Variants in FSHR observed in about 807,000 individuals in gnomAD.
The protein encoded by FSHR is follicle stimulating hormone receptor.
Under a neutral mutation model 52.1 loss-of-function variants are expected in FSHR, and 46 were observed. The ratio of observed to expected loss-of-function variants is 0.88; its 90% CI spans 0.70 to 1.13. The LOEUF is 1.13. Among genes scored for constraint, FSHR ranks in the 50% most tolerant of loss-of-function variants. The probability of loss-of-function intolerance (pLI) is 0.00; values close to 1 mark genes in which losing one functional copy is unlikely to be tolerated. For synonymous variants in FSHR, 399 were observed against 309.6 expected (o/e 1.29, Z -3.03); for missense variants, 964 against 834.6 (o/e 1.16, Z -1.91).
chr2:49,109,164 T>C (rs951408730), intron 1 of FSHR, among the ~76,000 whole-genome samples: 8 of 152,054 alleles, frequency 5.3e-5, no homozygotes, highest in African/African-American at 1.9e-4. Context: ...TGAGCAGAAA[T>C]TCCCTATCCA....
intron 9 of FSHR, among the ~76,000 whole-genome samples, chr2:48,965,311 C>T (rs1232014507): frequency 6.6e-6 from 1 of 152,116 alleles, no homozygotes; most frequent in Non-Finnish European, 1.5e-5. Flanking sequence ...TTCTCTCACC[C>T]CTGGGAAGTG....
chr2:49,038,973 T>C (rs1001271833), intron 2 of FSHR, among the ~76,000 whole-genome samples: 1 of 152,172 alleles, frequency 6.6e-6, no homozygotes, highest in Non-Finnish European at 1.5e-5. Context: ...TTATTGTACG[T>C]GTATTTGAGA....
At chr2:49,027,907 A>G (rs1667965777) in intron 2 of FSHR, among the ~76,000 whole-genome samples, 1 of 150,804 alleles carries the variant, frequency 6.6e-6, no homozygotes, top group Non-Finnish European at 1.5e-5. Context: ...CTGGAGGTAG[A>G]GTCAGATTAG....
rs143959654 is a variant in FSHR, at chr2:49,122,774, G to T, written c.152+31492C>A. Among the ~76,000 whole-genome samples the T allele has an allele frequency of 4.6e-5, 7 of 152,302 alleles. No individual in the cohort carries two copies. The East Asian group carries it at 1.4e-3, about 29-fold the overall frequency. On this transcript the variant is annotated intron_variant, in intron 1 of 9. Transcript: ENST00000406846. ...AAGTCCCTCCTGGTGAAGAGGGCTG[G>T]CTCACTTCTGCTAAGATTAACACCC...
At chr2:49,127,830 C>CTTCTTCT (rs1558456676) in intron 1 of FSHR, among the ~76,000 whole-genome samples, 15 of 21,046 alleles carry the variant, frequency 7.1e-4, no homozygotes, top group Middle Eastern at 0.022. Context: ...CTTCTTCTTC[C>CTTCTTCT]TCTTCTTCTT....
At chr2:48,988,016 C>G (rs1384569679) in intron 6 of FSHR, among the ~76,000 whole-genome samples, 1 of 152,116 alleles carries the variant, frequency 6.6e-6, no homozygotes, top group African/African-American at 2.4e-5. Context: ...CTATGCTAAT[C>G]TGTTTTCAAA....
At chr2:49,071,712 G>A (rs372842185) in intron 1 of FSHR, among the ~76,000 whole-genome samples, 24 of 152,244 alleles carry the variant, frequency 1.6e-4, no homozygotes, top group African/African-American at 4.6e-4. Context: ...CAAGAAACAC[G>A]GCATCAGCAT....
intron 8 of FSHR, among the ~76,000 whole-genome samples, chr2:48,975,298 C>T (rs188662833): frequency 6.6e-6 from 1 of 152,042 alleles, no homozygotes; most frequent in African/African-American, 2.4e-5. Flanking sequence ...TTCCCTCCCC[C>T]ACCCCCTTGG....
chr2:48,976,296 T>C (rs896342213), intron 8 of FSHR, among the ~76,000 whole-genome samples: 1 of 152,180 alleles, frequency 6.6e-6, no homozygotes, highest in African/African-American at 2.4e-5. Context: ...GTTTATTGAT[T>C]TGTGTATTTT....
At chr2:49,080,396 G>A (rs987341547) in intron 1 of FSHR, among the ~76,000 whole-genome samples, 5 of 152,132 alleles carry the variant, frequency 3.3e-5, no homozygotes, top group Admixed American at 6.5e-5. Flanking sequence ...CATTAATTAC[G>A]GAAGCATCAT....
intron 2 of FSHR, among the ~76,000 whole-genome samples, chr2:49,049,802 A>G (rs1668786861): frequency 6.8e-6 from 1 of 146,720 alleles, no homozygotes. Flanking sequence ...TTTCTTTATC[A>G]GACTCATATA....
chr2:49,019,707 T>C (rs1020503718), intron 3 of FSHR, among the ~76,000 whole-genome samples: 2 of 152,252 alleles, frequency 1.3e-5, no homozygotes, highest in African/African-American at 4.8e-5. Context: ...GGTGAATATA[T>C]GGCATAGGCC....
At chr2:48,983,029 A>G (rs370569165) in intron 7 of FSHR, 43 bp from the exon 8 acceptor site, 1 of 1,608,700 alleles carries the variant, frequency 6.2e-7, no homozygotes, top group Non-Finnish European at 8.5e-7. Flanking sequence ...ACACAAAGCC[A>G]CATAAATATT....
chr2:49,052,741 C>T (rs1458314144), intron 2 of FSHR, among the ~76,000 whole-genome samples: 5 of 152,100 alleles, frequency 3.3e-5, no homozygotes, highest in East Asian at 1.9e-4. Flanking sequence ...TTTGAGTAAG[C>T]GGGACTCAAG....
At chr2:49,082,453 A>G (rs1670210703) in intron 1 of FSHR, among the ~76,000 whole-genome samples, 1 of 152,254 alleles carries the variant, frequency 6.6e-6, no homozygotes, top group Non-Finnish European at 1.5e-5. Context: ...CCTCCTCCAA[A>G]GGAACGCAGT....
chr2:49,020,225 C>T (rs755363484), intron 2 of FSHR, 65 bp from the exon 3 acceptor site: 13 of 1,283,574 alleles, frequency 1.0e-5, no homozygotes, highest in African/African-American at 1.5e-5. Flanking sequence ...TTTTAGGGCT[C>T]AGCATAGAGC....
intron 1 of FSHR, among the ~76,000 whole-genome samples, chr2:49,114,269 C>G (rs552572351): frequency 1.2e-4 from 18 of 152,310 alleles, no homozygotes; most frequent in Non-Finnish European, 2.2e-4. Context: ...TATCCAAATG[C>G]TGAACATGGT....
chr2:49,143,496 G>T (rs1672762777), intron 1 of FSHR, among the ~76,000 whole-genome samples: 2 of 152,180 alleles, frequency 1.3e-5, no homozygotes, highest in African/African-American at 4.8e-5. Context: ...GTGGAACTAT[G>T]GAGACAGAGC....
rs1674317526 is a variant in FSHR at position 48,963,320 on chromosome 2, C to A, written c.1501G>T (p.Ala501Ser). 4 of 1,613,878 alleles carry A rather than the reference C, an allele frequency of 2.5e-6. No individual in the cohort carries two copies. The highest frequency in any genetic ancestry group is 1.3e-5 in the African/African-American group (1 of 74,952). The change falls in exon 10 of 10, where the codon GCC becomes TCC. Residue 501 changes from alanine (A) to serine (S), a missense_variant. Coordinates refer to ENST00000406846, the MANE Select transcript of FSHR (RefSeq NM_000145.4). ...CTGATGCCAAAGATGGGAAAGAGGG[C>A]AGCTGCAAAAGCAAAAATCCAGCCC... ...VMGWIFAFAAALFPIFGISSY... is the reference protein window; with the variant it reads ...VMGWIFAFAASLFPIFGISSY...
Sources: allele counts gnomAD v4.1 joint callset (sites outside exome capture counted in the v4.1 genomes callset), GRCh38; gene constraint gnomAD v4.1.1; transcripts MANE v1.5; gene names NCBI Gene and HGNC (gene_info 2026-07-23, HGNC 2026-07-21).